The following IQGAP2 variants were observed in gnomAD, a reference collection of about 807,000 sequenced individuals.
IQGAP2 encodes ras GTPase-activating-like protein IQGAP2.
A neutral mutation model predicts 201.3 loss-of-function variants in IQGAP2; 173 were observed. That is an observed-to-expected ratio of 0.86 (90% CI 0.76 to 0.98). The LOEUF (loss-of-function observed/expected upper bound fraction) is 0.98, where lower values mean the gene tolerates loss of function less well. IQGAP2 is among the 50% of genes least tolerant of loss of function. The probability of loss-of-function intolerance (pLI) is 0.00; values close to 1 mark genes in which losing one functional copy is unlikely to be tolerated. For missense variants in IQGAP2, 1,687 were observed against 1,864.8 expected (o/e 0.90, Z 1.76); for synonymous variants, 675 against 673.9 (o/e 1.00, Z -0.03).
chr5:76,484,711 C>T (rs2150148507), intron 2 of IQGAP2, among the ~76,000 whole-genome samples: 1 of 152,250 alleles, frequency 6.6e-6, no homozygotes, highest in African/African-American at 2.4e-5. Flanking sequence ...AGTGCAGTGG[C>T]TCAATCATTA....
intron 9 of IQGAP2, among the ~76,000 whole-genome samples, chr5:76,594,748 C>T (rs763852235): frequency 6.6e-5 from 10 of 152,180 alleles, no homozygotes; most frequent in East Asian, 1.9e-4. Flanking sequence ...GGGTGGATCA[C>T]GAGGTCAAGC....
intron 31 of IQGAP2, 26 bp downstream of exon 31, chr5:76,693,468 ATAATAGACAG>A: frequency 7.3e-7 from 1 of 1,372,780 alleles, no homozygotes; most frequent in Admixed American, 1.7e-5. Context: ...GTGTAAAATA[ATAATAGACAG>A]GTGTTGATTT....
chr5:76,659,610 C>T (rs918928478), intron 21 of IQGAP2, among the ~76,000 whole-genome samples: 1 of 152,142 alleles, frequency 6.6e-6, no homozygotes, highest in African/African-American at 2.4e-5. Context: ...ATTCTAGGCT[C>T]AGATAATTAC....
intron 13 of IQGAP2, among the ~76,000 whole-genome samples, chr5:76,621,582 C>T (rs1359008519): frequency 6.6e-6 from 1 of 152,142 alleles, no homozygotes; most frequent in Non-Finnish European, 1.5e-5. Flanking sequence ...GCTGTTAAAA[C>T]CAAGTGTTTG....
intron 2 of IQGAP2, among the ~76,000 whole-genome samples, chr5:76,530,158 C>T (rs1337864417): frequency 1.3e-5 from 2 of 152,058 alleles, no homozygotes; most frequent in East Asian, 3.9e-4. Flanking sequence ...ATGTGTGCAG[C>T]AGAGTTTGAA....
intron 2 of IQGAP2, among the ~76,000 whole-genome samples, chr5:76,529,094 AT>A (rs1221716928): frequency 6.6e-6 from 1 of 152,146 alleles, no homozygotes; most frequent in Non-Finnish European, 1.5e-5. Context: ...TGCAAGGGAG[AT>A]TAGTTTTGAG....
intron 1 of IQGAP2, among the ~76,000 whole-genome samples, chr5:76,453,627 C>T (rs1753897828): frequency 6.6e-6 from 1 of 152,166 alleles, no homozygotes; most frequent in Non-Finnish European, 1.5e-5. Flanking sequence ...TCCTTGGGAA[C>T]AGCCCAGAGG....
At position 76,697,987 on chromosome 5, in the gene IQGAP2, G is replaced by A. The variant is rs2150550649; in HGVS notation, c.4207G>A (p.Asp1403Asn). 6.2e-7 allele frequency: 1 copy of A among 1,609,376 alleles called. No individual in the cohort carries two copies. The highest frequency in any genetic ancestry group is 1.1e-5 in the South Asian group (1 of 90,054). The change falls in exon 33 of 36, where the codon GAT becomes AAT. Residue 1403 changes from aspartate (D) to asparagine (N), a missense_variant and splice_region_variant. Physicochemically the swap from Asp to Asn is conservative, Grantham distance 23 (BLOSUM62 1). Coordinates refer to ENST00000274364, the MANE Select transcript of IQGAP2 (RefSeq NM_006633.5). ...TGATACCCCTTACTTGTTGTTTTAG[G>A]ATATTCGAAATCAAAGAATCTATCG... ...YQDILNEIAK[D>N]IRNQRIYRKL... is the part of the protein sequence containing the mutation.
chr5:76,484,057 T>C (rs1755961506), intron 2 of IQGAP2, among the ~76,000 whole-genome samples: 1 of 142,798 alleles, frequency 7.0e-6, no homozygotes, highest in Non-Finnish European at 1.6e-5. Flanking sequence ...GAGACTCTCA[T>C]TGTTCATTTT....
At position 76,496,746 on chromosome 5, in the gene IQGAP2, TTTCTTTC is replaced by T. The variant is rs1561416328; in HGVS notation, c.146+35080_146+35086del. On this transcript the variant is annotated intron_variant, in intron 2 of 35. Transcript: ENST00000274364. ...TTTCTTTTCTTTCTTTCTTTCTTTC[TTTCTTTC>T]TTTCTTTCTTTCTTTCTTTCTTTCT... Among the ~76,000 whole-genome samples, 394 of 56,912 alleles carry T rather than the reference TTTCTTTC, an allele frequency of 6.9e-3. 23 individuals are homozygous for T. Among genetic ancestry groups the T allele is most frequent in the African/African-American group, 0.03 (378 of 12,488 alleles). The allele number at this position is 56,912 out of a possible 152,430, so 37.3% of individuals were successfully genotyped here.
chr5:76,636,813 C>G (rs1580685927), intron 15 of IQGAP2, among the ~76,000 whole-genome samples: 1 of 152,352 alleles, frequency 6.6e-6, no homozygotes, highest in Non-Finnish European at 1.5e-5. Flanking sequence ...AGTTCCAGAG[C>G]TAGCCTTAGA....
At chr5:76,551,684 C>T (rs1016908503) in intron 2 of IQGAP2, among the ~76,000 whole-genome samples, 14 of 152,140 alleles carry the variant, frequency 9.2e-5, no homozygotes, top group African/African-American at 3.4e-4. Context: ...GAAACCCCGT[C>T]TCCACCAAAA....
intron 2 of IQGAP2, among the ~76,000 whole-genome samples, chr5:76,508,417 C>G (rs1253073853): frequency 6.6e-6 from 1 of 152,112 alleles, no homozygotes; most frequent in Non-Finnish European, 1.5e-5. Flanking sequence ...ATATCATATG[C>G]CATTAGGGAA....
At chr5:76,475,527 A>C (rs755552237) in intron 2 of IQGAP2, among the ~76,000 whole-genome samples, 7 of 152,176 alleles carry the variant, frequency 4.6e-5, no homozygotes, top group Non-Finnish European at 8.8e-5. Flanking sequence ...TATCTACCAA[A>C]GATCGAGACC....
At chr5:76,682,007 A>G (rs1251125589) in intron 28 of IQGAP2, among the ~76,000 whole-genome samples, 2 of 152,236 alleles carry the variant, frequency 1.3e-5, no homozygotes, top group African/African-American at 4.8e-5. Context: ...TAAGGTACCT[A>G]GAGTAGTCAA....
intron 2 of IQGAP2, among the ~76,000 whole-genome samples, chr5:76,544,690 A>C (rs72775801): frequency 6.6e-6 from 1 of 151,836 alleles, no homozygotes. Context: ...AAGTGCTTTA[A>C]TTTTTTTTGG....
intron 9 of IQGAP2, among the ~76,000 whole-genome samples, chr5:76,594,973 AT>A (rs1304626553): frequency 2.8e-4 from 35 of 124,714 alleles, no homozygotes; most frequent in East Asian, 1.8e-3. Context: ...CTCAAAAAAA[AT>A]TTAAAAAAAA....
intron 34 of IQGAP2, 82 bp downstream of exon 34, chr5:76,701,295 C>A: frequency 2.3e-6 from 3 of 1,324,256 alleles, no homozygotes; most frequent in Non-Finnish European, 3.2e-6. Flanking sequence ...TTTGGTCTAG[C>A]AAGGCTTAAC....
intron 1 of IQGAP2, among the ~76,000 whole-genome samples, chr5:76,459,863 A>G (rs1580238818): frequency 6.6e-6 from 1 of 151,966 alleles, no homozygotes; most frequent in Non-Finnish European, 1.5e-5. Flanking sequence ...CTAGTCTGGA[A>G]CTCCTGACTC....
Sources: gnomAD v4.1 joint callset for allele counts (sites outside exome capture counted in the v4.1 genomes callset) on GRCh38, gnomAD v4.1.1 for gene constraint, MANE v1.5 for transcripts, NCBI Gene and HGNC (gene_info 2026-07-23, HGNC 2026-07-21) for gene names.